The following NKAIN3 variants were observed in gnomAD, a reference collection of about 807,000 sequenced individuals.
The protein encoded by NKAIN3 is sodium/potassium-transporting ATPase subunit beta-1-interacting protein 3.
In NKAIN3, 25 loss-of-function variants were observed where a neutral mutation model predicts 30.2. The observed-to-expected ratio is 0.83, with a 90% CI of 0.60 to 1.16. The LOEUF (loss-of-function observed/expected upper bound fraction) is 1.16. Ranked by LOEUF, NKAIN3 falls within the 50% of genes most tolerant of loss-of-function variation. The pLI, the probability that NKAIN3 is intolerant of heterozygous loss-of-function variation, is 0.00. For missense variants in NKAIN3, 225 were observed against 254.1 expected, an observed-to-expected ratio of 0.89 and a Z score of 0.78; for synonymous variants, 91 against 89.6, an observed-to-expected ratio of 1.02 and a Z score of -0.09.
chr8:62,516,933 T>C lies in NKAIN3; in HGVS notation c.55-62606T>C, dbSNP rs749139469. On this transcript the variant is annotated intron_variant, in intron 1 of 6. Coordinates refer to ENST00000623646, the MANE Select transcript of NKAIN3 (RefSeq NM_001304533.3). ...CCAGAATGTTCCCCCTTCAGTCTTC[T>C]ACAATTTTAATAATAGCTACCACTT... Among the ~76,000 whole-genome samples the C allele has an allele frequency of 1.7e-4, 26 of 152,134 alleles. 1 individual carries two copies. Among genetic ancestry groups the C allele is most frequent in the Admixed American group, 3.9e-4 (6 of 15,258 alleles).
intron 5 of NKAIN3, among the ~76,000 whole-genome samples, chr8:62,949,303 GA>G (rs1823213311): frequency 6.6e-6 from 1 of 152,140 alleles, no homozygotes; most frequent in Admixed American, 6.5e-5. Context: ...TTATCTAATG[GA>G]AACTTCATTT....
At chr8:62,286,840 T>C (rs1293714492) in intron 1 of NKAIN3, among the ~76,000 whole-genome samples, 1 of 152,060 alleles carries the variant, frequency 6.6e-6, no homozygotes, top group Non-Finnish European at 1.5e-5. Context: ...AATGTGTTAA[T>C]GGCATTTGTC....
At chr8:62,379,886 G>A (rs748353449) in intron 1 of NKAIN3, among the ~76,000 whole-genome samples, 1 of 151,970 alleles carries the variant, frequency 6.6e-6, no homozygotes, top group Non-Finnish European at 1.5e-5. Flanking sequence ...TAAATAATAG[G>A]CATTCTTCAC....
intron 4 of NKAIN3, among the ~76,000 whole-genome samples, chr8:62,853,751 T>C (rs910351828): frequency 7.9e-5 from 12 of 152,314 alleles, no homozygotes; most frequent in African/African-American, 2.9e-4. Flanking sequence ...CTTTCAGGTT[T>C]GTGTGCTCTT....
chr8:62,445,154 C>T (rs1805442443), intron 1 of NKAIN3, among the ~76,000 whole-genome samples: 1 of 152,020 alleles, frequency 6.6e-6, no homozygotes. Context: ...CCATGTTGGC[C>T]AGGATGGTCT....
rs147436281 is a variant in NKAIN3 at position 62,669,439 on chromosome 8, A to G, written c.274-77493A>G. The stretch of plus-strand genomic sequence containing the variant: ...TCAGGATCTCTTGAAACTGTGACCC[A>G]GGCCATGGTCACTCATATTTGGCTC... On this transcript the variant is annotated intron_variant, in intron 3 of 6. Coordinates refer to ENST00000623646, the MANE Select transcript of NKAIN3 (RefSeq NM_001304533.3). 3.1e-3 allele frequency among the ~76,000 whole-genome samples: 476 copies of G among 152,322 alleles called. 3 individuals carry two copies. The highest frequency in any genetic ancestry group is 5.0e-3 in the Non-Finnish European group (341 of 68,018).
At chr8:62,524,223 A>G (rs1808235583) in intron 1 of NKAIN3, among the ~76,000 whole-genome samples, 1 of 136,976 alleles carries the variant, frequency 7.3e-6, no homozygotes, top group Non-Finnish European at 1.6e-5. Context: ...ACCCCCCACC[A>G]AAATATATAT....
intron 1 of NKAIN3, among the ~76,000 whole-genome samples, chr8:62,506,239 A>T (rs1435740306): frequency 1.9e-5 from 2 of 108,014 alleles, no homozygotes; most frequent in Non-Finnish European, 2.0e-5. Context: ...GGGGGGGGGG[A>T]CATTATTTCA....
intron 1 of NKAIN3, among the ~76,000 whole-genome samples, chr8:62,415,883 G>C (rs367554988): frequency 1.3e-5 from 2 of 151,708 alleles, no homozygotes; most frequent in East Asian, 3.9e-4. Flanking sequence ...TCAGCCTCCC[G>C]AGTAGCTGGG....
At chr8:62,377,955 G>A (rs927571241) in intron 1 of NKAIN3, among the ~76,000 whole-genome samples, 1 of 152,200 alleles carries the variant, frequency 6.6e-6, no homozygotes, top group East Asian at 1.9e-4. Flanking sequence ...TACTCAAAAT[G>A]TGGAAGTGAC....
chr8:62,363,357 T>C (rs1195915299), intron 1 of NKAIN3, among the ~76,000 whole-genome samples: 1 of 152,160 alleles, frequency 6.6e-6, no homozygotes, highest in Non-Finnish European at 1.5e-5. Context: ...CCTCTAGCTT[T>C]GTTATTCTCA....
In NKAIN3 at chr8:62,686,314, G is replaced by A. The variant is rs147287252; in HGVS notation, c.274-60618G>A. Among the ~76,000 whole-genome samples the A allele has an allele frequency of 3.1e-3, 469 of 152,116 alleles. 3 individuals are homozygous for A. Among genetic ancestry groups the A allele is most frequent in the African/African-American group, 0.01 (435 of 41,504 alleles). ...GTCCAAGGTGTCAGACCTATATTGC[G>A]TACTGAAAACTCTCCCTGCCTATTC... On this transcript the variant is annotated intron_variant, in intron 3 of 6. Transcript: ENST00000623646.
At chr8:62,808,356 A>G (rs1182284647) in intron 4 of NKAIN3, among the ~76,000 whole-genome samples, 3 of 152,136 alleles carry the variant, frequency 2.0e-5, no homozygotes, top group Non-Finnish European at 4.4e-5. Flanking sequence ...GTTCAACTCA[A>G]TAGTTATTCT....
chr8:62,412,866 C>T (rs1238494726), intron 1 of NKAIN3, among the ~76,000 whole-genome samples: 7 of 146,980 alleles, frequency 4.8e-5, no homozygotes, highest in Non-Finnish European at 8.9e-5. Flanking sequence ...GAGCTGAGAT[C>T]GCACCACTGC....
chr8:62,486,601 A>G (rs1488224268), intron 1 of NKAIN3, among the ~76,000 whole-genome samples: 1 of 152,176 alleles, frequency 6.6e-6, no homozygotes, highest in Admixed American at 6.5e-5. Flanking sequence ...TTGACTTGGT[A>G]TCCTTGACCT....
intron 3 of NKAIN3, among the ~76,000 whole-genome samples, chr8:62,619,553 A>T (rs1811561362): frequency 6.6e-6 from 1 of 152,156 alleles, no homozygotes; most frequent in Non-Finnish European, 1.5e-5. Flanking sequence ...AATGTATTTG[A>T]TTGATGTCTC....
intron 1 of NKAIN3, among the ~76,000 whole-genome samples, chr8:62,524,734 TG>T (rs1294814325): frequency 4.6e-5 from 7 of 152,246 alleles, no homozygotes; most frequent in South Asian, 2.1e-4. Context: ...GCGGAAGAGC[TG>T]TGATATTTTC....
intron 1 of NKAIN3, among the ~76,000 whole-genome samples, chr8:62,278,198 A>G (rs1354035125): frequency 6.6e-6 from 1 of 152,126 alleles, no homozygotes; most frequent in East Asian, 1.9e-4. Context: ...GACTCAGGTC[A>G]TGTAGACTGA....
chr8:62,721,864 G>T (rs1484815461), intron 3 of NKAIN3, among the ~76,000 whole-genome samples: 1 of 152,176 alleles, frequency 6.6e-6, no homozygotes, highest in African/African-American at 2.4e-5. Context: ...CAGACACCTT[G>T]AAACATGTAG....
Sources: gnomAD v4.1 joint callset for allele counts (sites outside exome capture counted in the v4.1 genomes callset) on GRCh38, gnomAD v4.1.1 for gene constraint, MANE v1.5 for transcripts, NCBI Gene and HGNC (gene_info 2026-07-23, HGNC 2026-07-21) for gene names.